The following ADAM18 variants were observed in gnomAD, a reference collection of about 807,000 sequenced individuals.
ADAM18 encodes disintegrin and metalloproteinase domain-containing protein 18.
In ADAM18, 117 loss-of-function variants were observed where a neutral mutation model predicts 94.4. That is an observed-to-expected ratio of 1.24 (90% confidence interval 1.07 to 1.45). The LOEUF is 1.45. Ranked by LOEUF, ADAM18 falls within the 40% of genes most tolerant of loss-of-function variation. The pLI, the probability that ADAM18 is intolerant of heterozygous loss-of-function variation, is 0.00. For synonymous variants in ADAM18, 327 were observed against 291.6 expected (o/e 1.12, Z -1.24); for missense variants, 936 against 880.0 (o/e 1.06, Z -0.81).
chr8:39,663,232 C>T (rs1820892910), intron 12 of ADAM18, among the ~76,000 whole-genome samples: 2 of 151,868 alleles, frequency 1.3e-5, no homozygotes. Flanking sequence ...TGCTGACCAA[C>T]TGCTATTTTA....
chr8:39,618,732 A>G (rs918621197), intron 6 of ADAM18, among the ~76,000 whole-genome samples: 1 of 152,110 alleles, frequency 6.6e-6, no homozygotes, highest in Non-Finnish European at 1.5e-5. Context: ...GGTGCCCCCC[A>G]TGTGTCCGTT....
At chr8:39,619,258 A>C (rs1363991966) in intron 6 of ADAM18, among the ~76,000 whole-genome samples, 1 of 152,216 alleles carries the variant, frequency 6.6e-6, no homozygotes, top group Non-Finnish European at 1.5e-5. Flanking sequence ...AGGAGGAAAC[A>C]TGCAGGTATA....
At chr8:39,666,051 T>C (rs1460834681) in intron 13 of ADAM18, among the ~76,000 whole-genome samples, 1 of 152,194 alleles carries the variant, frequency 6.6e-6, no homozygotes, top group African/African-American at 2.4e-5. Context: ...TTTGTTTGTT[T>C]GTTTGAGACA....
At chr8:39,679,014 C>T (rs1371711828) in intron 15 of ADAM18, among the ~76,000 whole-genome samples, 1 of 152,052 alleles carries the variant, frequency 6.6e-6, no homozygotes, top group Non-Finnish European at 1.5e-5. Context: ...AGAATATATT[C>T]TATAGAAAGA....
chr8:39,707,998 G>A (rs1417180281), intron 18 of ADAM18, among the ~76,000 whole-genome samples: 2 of 152,102 alleles, frequency 1.3e-5, no homozygotes, highest in African/African-American at 4.8e-5. Flanking sequence ...TAACCAAGAT[G>A]GCAAAGTGAC....
At chr8:39,606,559 T>C (rs1424190190) in intron 3 of ADAM18, among the ~76,000 whole-genome samples, 197 bp downstream of exon 3, 2 of 152,196 alleles carry the variant, frequency 1.3e-5, no homozygotes, top group Non-Finnish European at 2.9e-5. Flanking sequence ...TAATTTTCGC[T>C]TGATATTTTC....
intron 17 of ADAM18, among the ~76,000 whole-genome samples, chr8:39,704,884 C>T (rs1245765001): frequency 6.6e-6 from 1 of 151,988 alleles, no homozygotes; most frequent in Non-Finnish European, 1.5e-5. Flanking sequence ...GATTTGCTAT[C>T]CTAGATCAAA....
intron 2 of ADAM18, among the ~76,000 whole-genome samples, chr8:39,601,094 G>A (rs554074828): frequency 6.6e-6 from 1 of 152,276 alleles, no homozygotes; most frequent in South Asian, 2.1e-4. Context: ...AGGAGGAGGA[G>A]ATGCTGCACA....
intron 2 of ADAM18, among the ~76,000 whole-genome samples, chr8:39,593,081 C>A (rs779652694): frequency 1.3e-5 from 2 of 152,176 alleles, no homozygotes; most frequent in African/African-American, 2.4e-5. Context: ...CATGAACCAA[C>A]CTCTGTTAGC....
At position 39,730,005 on chromosome 8, in the gene ADAM18, G is replaced by T. The variant is rs1435360711; in HGVS notation, c.*65G>T. The T allele has an allele frequency of 6.7e-7, 1 of 1,497,602 alleles. No homozygotes were observed. Among genetic ancestry groups the T allele is most frequent in the Non-Finnish European group, 9.3e-7 (1 of 1,076,296 alleles). The allele number at this position is 1,497,602 out of a possible 1,614,324, so 92.8% of individuals were successfully genotyped here. A position where few individuals can be genotyped will look rare whatever the true frequency, so the allele number is the denominator to read the frequency against. Reference sequence around the variant, plus strand: ...GAATGTGCTTTATTTATAACCTTACGTTATCCCCAATGCATTGTAAATGTC... The same window carrying T: ...GAATGTGCTTTATTTATAACCTTACTTTATCCCCAATGCATTGTAAATGTC... On this transcript the variant is annotated 3_prime_UTR_variant, in exon 20 of 20. Coordinates refer to ENST00000265707, the MANE Select transcript of ADAM18 (RefSeq NM_014237.3).
chr8:39,585,788 A>G (rs1273143455), intron 2 of ADAM18, among the ~76,000 whole-genome samples: 5 of 152,232 alleles, frequency 3.3e-5, no homozygotes, highest in Non-Finnish European at 7.3e-5. Context: ...TTAAAAAAGC[A>G]AAGAAAAAAT....
intron 8 of ADAM18, 65 bp from the exon 9 acceptor site, chr8:39,637,472 T>A: frequency 6.9e-7 from 1 of 1,447,412 alleles, no homozygotes; most frequent in African/African-American, 1.4e-5. Flanking sequence ...TTGTTTATTT[T>A]TTAATGTACC....
chr8:39,717,993 A>G (rs1270886971), intron 18 of ADAM18, among the ~76,000 whole-genome samples: 2 of 151,580 alleles, frequency 1.3e-5, no homozygotes, highest in South Asian at 2.1e-4. Context: ...TGCAAATAAC[A>G]CTAATCATCA....
chr8:39,722,511 T>C (rs1198245183), intron 18 of ADAM18, among the ~76,000 whole-genome samples: 1 of 150,896 alleles, frequency 6.6e-6, no homozygotes, highest in Non-Finnish European at 1.5e-5. Context: ...TAATAGACAC[T>C]GGGGACTCCA....
chr8:39,620,375 C>CA (rs376218269), intron 6 of ADAM18, among the ~76,000 whole-genome samples: 4,060 of 87,356 alleles, frequency 0.046, 53 homozygotes, highest in Non-Finnish European at 0.055. Context: ...AAAAAAAAAA[C>CA]AAAAAAAAAT....
At chr8:39,624,513 C>A (rs900138234) in intron 6 of ADAM18, among the ~76,000 whole-genome samples, 2 of 152,130 alleles carry the variant, frequency 1.3e-5, no homozygotes, top group African/African-American at 4.8e-5. Flanking sequence ...TATGTATCTA[C>A]TTTTATACCA....
intron 3 of ADAM18, among the ~76,000 whole-genome samples, chr8:39,607,011 T>C (rs1819106832): frequency 6.6e-6 from 1 of 152,000 alleles, no homozygotes; most frequent in Non-Finnish European, 1.5e-5. Flanking sequence ...GCCATCTGGA[T>C]GTATACGACA....
At chr8:39,723,722 T>C in intron 18 of ADAM18, 26 bp from the exon 19 acceptor site, 2 of 1,416,636 alleles carry the variant, frequency 1.4e-6, no homozygotes, top group Non-Finnish European at 9.3e-7. Context: ...GAGTCCCCAC[T>C]AATTTATCAT....
intron 16 of ADAM18, among the ~76,000 whole-genome samples, chr8:39,681,097 C>T (rs940134295): frequency 2.6e-5 from 4 of 152,050 alleles, no homozygotes; most frequent in African/African-American, 9.7e-5. Context: ...TAAAATAGGG[C>T]AAAAGTTTTG....
Sources: gnomAD v4.1 joint callset for allele counts (sites outside exome capture counted in the v4.1 genomes callset) on GRCh38, gnomAD v4.1.1 for gene constraint, MANE v1.5 for transcripts, NCBI Gene and HGNC (gene_info 2026-07-23, HGNC 2026-07-21) for gene names.